The following ZBTB34 variants were observed in gnomAD, a reference collection of about 807,000 sequenced individuals.
ZBTB34 encodes the protein zinc finger and BTB domain containing 34.
ZBTB34 carries 1 observed loss-of-function variant against 33.4 expected under a neutral mutation model. The observed-to-expected ratio is 0.03, with a 90% CI of 0.01 to 0.14. The LOEUF is 0.14. ZBTB34 is among the 10% of genes least tolerant of loss of function. The pLI is 1.00. For missense variants in ZBTB34, 406 were observed against 657.2 expected (o/e 0.62, Z 4.18); for synonymous variants, 283 against 253.5 (o/e 1.12, Z -1.11).
intron 1 of ZBTB34, among the ~76,000 whole-genome samples, chr9:126,861,691 C>G (rs1273592368): frequency 6.6e-6 from 1 of 152,194 alleles, no homozygotes; most frequent in Non-Finnish European, 1.5e-5. Context: ...TCATCCCTTG[C>G]TTTTGTCCCT....
At chr9:126,883,670 A>G (rs1054959313) in exon 2 of ZBTB34, 10 of 167,058 alleles carry the variant, frequency 6.0e-5, no homozygotes, top group Non-Finnish European at 1.5e-4. Context: ...TGTTGCTAAC[A>G]CTTTACCCTT....
chr9:126,875,546 T>G (rs2033344509), intron 1 of ZBTB34, among the ~76,000 whole-genome samples: 1 of 152,178 alleles, frequency 6.6e-6, no homozygotes, highest in South Asian at 2.1e-4. Context: ...TTGTTGACCC[T>G]GTTTTTTGCT....
Position 126,880,900 on chromosome 9 carries a change from G to C in ZBTB34, c.1501G>C (p.Asp501His). ...CCGGATGGAAATTCACACAGTGTCTGATGCTCCCGATTAAGATGGTAAAGA... is the reference window on the plus strand; with the variant it reads ...CCGGATGGAAATTCACACAGTGTCTCATGCTCCCGATTAAGATGGTAAAGA... The change falls in exon 2 of 2, where the codon GAT (aspartate) becomes CAT (histidine). Residue 501 changes from aspartate to histidine, a missense_variant. Coordinates refer to ENST00000319119, the Ensembl canonical transcript of ZBTB34. The surrounding 1 kb of genome is among the most constrained non-coding windows in gnomAD (Gnocchi z 6.7). 6.2e-7 allele frequency: 1 copy of C among 1,609,238 alleles called. No homozygotes were observed. Among genetic ancestry groups the C allele is most frequent in the Non-Finnish European group, 8.5e-7 (1 of 1,177,420 alleles).
chr9:126,883,751 G>C (rs920678321), exon 2 of ZBTB34: 1 of 167,120 alleles, frequency 6.0e-6, no homozygotes, highest in Non-Finnish European at 1.5e-5. Flanking sequence ...GCAGGGCTTC[G>C]AGGGAGGCAG....
intron 1 of ZBTB34, among the ~76,000 whole-genome samples, chr9:126,875,678 C>G (rs2033346154): frequency 6.6e-6 from 1 of 152,050 alleles, no homozygotes; most frequent in African/African-American, 2.4e-5. Context: ...TAGTAGATGC[C>G]TATTCTGACA....
At chr9:126,861,181 C>G (rs906889308) in intron 1 of ZBTB34, among the ~76,000 whole-genome samples, 1 of 152,182 alleles carries the variant, frequency 6.6e-6, no homozygotes, top group African/African-American at 2.4e-5. Context: ...GGCCAGGGGT[C>G]GGCCCTTCGG....
At chr9:126,877,984 G>C (rs1229459224) in intron 1 of ZBTB34, among the ~76,000 whole-genome samples, 1 of 151,954 alleles carries the variant, frequency 6.6e-6, no homozygotes, top group Non-Finnish European at 1.5e-5. Flanking sequence ...GGACGACAGA[G>C]CGAGACTCCA....
chr9:126,861,230 C>T (rs1272956022), intron 1 of ZBTB34, among the ~76,000 whole-genome samples: 1 of 152,226 alleles, frequency 6.6e-6, no homozygotes, highest in African/African-American at 2.4e-5. Context: ...CCACCGCCTT[C>T]CTCCAGGTAA....
intron 1 of ZBTB34, among the ~76,000 whole-genome samples, chr9:126,876,159 CG>C (rs2033354483): frequency 7.8e-5 from 5 of 64,162 alleles, no homozygotes; most frequent in Non-Finnish European, 1.2e-4. Flanking sequence ...TTTTCCCTTC[CG>C]TCCTTCCCCC....
intron 1 of ZBTB34, among the ~76,000 whole-genome samples, chr9:126,862,497 T>C (rs1366570941): frequency 6.6e-6 from 1 of 152,180 alleles, no homozygotes; most frequent in Non-Finnish European, 1.5e-5. Flanking sequence ...CCCACCTACC[T>C]GAACCTTATT....
At chr9:126,881,854 C>T (rs762515351) in exon 2 of ZBTB34, 1 of 166,902 alleles carries the variant, frequency 6.0e-6, no homozygotes, top group Non-Finnish European at 1.5e-5. Context: ...TACCAGGTAA[C>T]TAAATCGAAT....
At chr9:126,867,256 TA>T (rs1346495582) in intron 1 of ZBTB34, among the ~76,000 whole-genome samples, 2 of 151,960 alleles carry the variant, frequency 1.3e-5, no homozygotes, top group Non-Finnish European at 2.9e-5. Context: ...GACCAAAAGG[TA>T]AATGCCTTTT....
chr9:126,861,892 A>G (rs908871032), intron 1 of ZBTB34, among the ~76,000 whole-genome samples: 1 of 152,180 alleles, frequency 6.6e-6, no homozygotes, highest in African/African-American at 2.4e-5. Context: ...GCTAAAGCCA[A>G]ACTTACTATA....
At chr9:126,867,304 A>G (rs1354658402) in intron 1 of ZBTB34, among the ~76,000 whole-genome samples, 1 of 152,074 alleles carries the variant, frequency 6.6e-6, no homozygotes, top group Non-Finnish European at 1.5e-5. Flanking sequence ...TTCATTCCTG[A>G]GGACTACACT....
rs1408577853 is a variant in ZBTB34, at chr9:126,865,724, C to T, written c.-11+4985C>T. ...ATGGGGCCGGGCGCAGTAGCTCATT[C>T]CTGTAATCCCAGCACTTTGGGAGGC... On this transcript the variant is annotated intron_variant, in intron 1 of 1. Transcript: ENST00000319119. Among the ~76,000 whole-genome samples the T allele has an allele frequency of 2.6e-5, 4 of 152,214 alleles. 1 individual carries two copies. The South Asian group carries it at 8.3e-4, about 32-fold the overall frequency.
intron 1 of ZBTB34, among the ~76,000 whole-genome samples, chr9:126,876,165 TC>T (rs1369175869): frequency 0.024 from 26 of 1,082 alleles, no homozygotes; most frequent in East Asian, 0.056. Flanking sequence ...CTTCCGTCCT[TC>T]CCCCCTTCCC....
chr9:126,874,745 G>A (rs1250004390), intron 1 of ZBTB34, among the ~76,000 whole-genome samples: 2 of 152,052 alleles, frequency 1.3e-5, no homozygotes, highest in Non-Finnish European at 2.9e-5. Context: ...CCCTTTGTAC[G>A]TGTGATTCCT....
At chr9:126,872,081 G>A (rs886711442) in intron 1 of ZBTB34, among the ~76,000 whole-genome samples, 4 of 152,010 alleles carry the variant, frequency 2.6e-5, no homozygotes, top group African/African-American at 4.8e-5. Context: ...CGAGTAGCTG[G>A]GATTACAGAC....
chr9:126,864,026 C>T (rs1191993828), intron 1 of ZBTB34, among the ~76,000 whole-genome samples: 2 of 152,196 alleles, frequency 1.3e-5, no homozygotes, highest in Non-Finnish European at 2.9e-5. Flanking sequence ...CCCAGCCTGA[C>T]TTTGTCTGTG....
Sources: allele counts gnomAD v4.1 joint callset (sites outside exome capture counted in the v4.1 genomes callset), GRCh38; gene constraint gnomAD v4.1.1; non-coding constraint Gnocchi (gnomAD v3.1); transcripts MANE v1.5; gene names NCBI Gene and HGNC (gene_info 2026-07-23, HGNC 2026-07-21).